The following KMT2A variants were observed in gnomAD, a reference collection of about 807,000 sequenced individuals.
The protein encoded by KMT2A is histone-lysine N-methyltransferase 2A.
In KMT2A, 16 loss-of-function variants were observed where a neutral mutation model predicts 345.3. That is an observed-to-expected ratio of 0.05 (90% CI 0.03 to 0.07). The LOEUF (loss-of-function observed/expected upper bound fraction) is 0.07, where lower values mean the gene tolerates loss of function less well. Among genes scored for constraint, KMT2A ranks in the 10% least tolerant of loss-of-function variants. The pLI is 1.00. For missense variants in KMT2A, 3,272 were observed against 4,841.6 expected (o/e 0.68, Z 9.62); for synonymous variants, 1,599 against 1,778.6 (o/e 0.90, Z 2.54).
chr11:118,498,206 A>G lies in KMT2A; in HGVS notation c.5802+133A>G. ...GTAGTTAGCCAACAAGTATTGATAT[A>G]CATAATTCAACAGATAAAATGATAA... On this transcript the variant is annotated intron_variant, in intron 21 of 35. Coordinates refer to ENST00000534358, the MANE Select transcript of KMT2A (RefSeq NM_001197104.2). The surrounding 1 kb of genome is among the most constrained non-coding windows in gnomAD (Gnocchi z 4.4). 1.8e-6 allele frequency: 2 copies of G among 1,140,954 alleles called. No individual in the cohort carries two copies. Among genetic ancestry groups the G allele is most frequent in the Non-Finnish European group, 2.5e-6 (2 of 792,946 alleles). 70.7% of individuals were successfully genotyped at this position (1,140,954 alleles called of 1,614,324 possible). A position where few individuals can be genotyped will look rare whatever the true frequency, so the allele number is the denominator to read the frequency against.
rs1565318334 is a variant in KMT2A, at chr11:118,521,071, A to T, written c.11513+186A>T. 2 of 652,702 alleles carry T rather than the reference A, an allele frequency of 3.1e-6. No individual in the cohort carries two copies. Among genetic ancestry groups the T allele is most frequent in the African/African-American group, 1.8e-5 (1 of 54,570 alleles). 40.4% of individuals were successfully genotyped at this position (652,702 alleles called of 1,614,324 possible). On this transcript the variant is annotated intron_variant, in intron 34 of 35. Transcript: ENST00000534358. The surrounding 1 kb of genome is among the most constrained non-coding windows in gnomAD (Gnocchi z 5.3). ...GAACAAGGACTTTAACATAATAAGC[A>T]TTAAAATATTACTGCTTCCAGCGGG...
Position 118,520,449 on chromosome 11 carries a change from G to C in KMT2A, c.11430-353G>C. 1 of 326,584 alleles carries C rather than the reference G, an allele frequency of 3.1e-6. No homozygotes were observed. The highest frequency in any genetic ancestry group is 4.6e-5 in the South Asian group (1 of 21,834). The allele number at this position is 326,584 out of a possible 1,614,324, so 20.2% of individuals were successfully genotyped here. A position where few individuals can be genotyped will look rare whatever the true frequency, so the allele number is the denominator to read the frequency against. ...GGACAGATCATGAGGTCAGGAGTTC[G>C]AGACCAGCCTGACCAACATAGTGAA... On this transcript the variant is annotated intron_variant, in intron 33 of 35. Transcript: ENST00000534358. The surrounding 1 kb of genome is among the most constrained non-coding windows in gnomAD (Gnocchi z 4.3).
chr11:118,470,851 C>T (rs1481554792), intron 2 of KMT2A, among the ~76,000 whole-genome samples: 1 of 152,176 alleles, frequency 6.6e-6, no homozygotes, highest in Non-Finnish European at 1.5e-5. Context: ...TCTTGAATGG[C>T]TTGAAAAGCA....
At chr11:118,458,069 G>T (rs1555031406) in intron 1 of KMT2A, 4 of 270,554 alleles carry the variant, frequency 1.5e-5, no homozygotes, top group Admixed American at 4.6e-5. Flanking sequence ...TTTTTGAGAT[G>T]CTTTCAAATT....
rs1176381961 is a variant in KMT2A, at chr11:118,505,361, C to G, written c.9469C>G (p.Leu3157Val). The G allele has an allele frequency of 6.2e-7, 1 of 1,614,042 alleles. No homozygotes were observed. The highest frequency in any genetic ancestry group is 1.3e-5 in the African/African-American group (1 of 74,926). ...GTTCCCTTCTGCTAGCAAAGGATTG[C>G]TACCCATGTCTCATCACCAGCACTT... ...SLFPSASKGL[L>V]PMSHHQHLHS... is the part of the protein sequence containing the mutation. Residue 3157 changes from leucine (L) to valine (V), a missense_variant, in exon 27 of 36, where the codon CTA becomes GTA. Coordinates refer to ENST00000534358, the MANE Select transcript of KMT2A (RefSeq NM_001197104.2). The surrounding 1 kb of genome is among the most constrained non-coding windows in gnomAD (Gnocchi z 4.6).
intron 1 of KMT2A, among the ~76,000 whole-genome samples, chr11:118,452,197 C>T (rs1418350047): frequency 6.6e-6 from 1 of 152,170 alleles, no homozygotes; most frequent in Non-Finnish European, 1.5e-5. Flanking sequence ...CACACAACTA[C>T]GTCTGGCTCT....
At chr11:118,450,723 T>C (rs1368103858) in intron 1 of KMT2A, 1 of 151,844 alleles carries the variant, frequency 6.6e-6, no homozygotes. Flanking sequence ...TGCATTCAAA[T>C]AATCATTGTT....
intron 4 of KMT2A, 72 bp from the exon 5 acceptor site, chr11:118,477,895 T>C: frequency 2.1e-6 from 2 of 951,360 alleles, no homozygotes; most frequent in Non-Finnish European, 3.3e-6. Flanking sequence ...TGTATTTCAT[T>C]TTTGGAGTAC....
intron 10 of KMT2A, 38 bp from the exon 11 acceptor site, chr11:118,488,576 A>G: frequency 6.2e-7 from 1 of 1,607,562 alleles, no homozygotes; most frequent in Non-Finnish European, 8.5e-7. Flanking sequence ...TCTACATATT[A>G]TTTGACATAC....
At chr11:118,460,805 T>G (rs532921889) in intron 1 of KMT2A, among the ~76,000 whole-genome samples, 1 of 152,296 alleles carries the variant, frequency 6.6e-6, no homozygotes, top group East Asian at 1.9e-4. Flanking sequence ...TAGTTGGGAC[T>G]ACAGGCGCAC....
intron 1 of KMT2A, among the ~76,000 whole-genome samples, chr11:118,451,654 GA>G: frequency 7.0e-6 from 1 of 143,260 alleles, no homozygotes; most frequent in Middle Eastern, 3.2e-3. Context: ...CTCCCAAAGT[GA>G]ATTTTTTTTT....
Position 118,474,161 on chromosome 11 carries a change from A to G in KMT2A, c.3002A>G (p.His1001Arg), listed in dbSNP as rs1555036864. 2 of 1,614,176 alleles carry G rather than the reference A, an allele frequency of 1.2e-6. No individual in the cohort carries two copies. Among genetic ancestry groups the G allele is most frequent in the Non-Finnish European group, 1.7e-6 (2 of 1,180,034 alleles). ...LSTPSSSTVKHSTSSIGSMLA... is the reference protein window; with the variant it reads ...LSTPSSSTVKRSTSSIGSMLA... Reference sequence around the variant, plus strand: ...ACTCCTTCATCTAGCACTGTTAAACATTCCACTTCCTCCATAGGCTCCATG... The same window carrying G: ...ACTCCTTCATCTAGCACTGTTAAACGTTCCACTTCCTCCATAGGCTCCATG... Residue 1001 changes from histidine to arginine, a missense_variant, in exon 3 of 36, where the codon CAT (histidine) becomes CGT (arginine). His to Arg is a conservative substitution (Grantham distance 29). Transcript: ENST00000534358.
intron 10 of KMT2A, among the ~76,000 whole-genome samples, chr11:118,486,844 C>T (rs782635067): frequency 6.6e-6 from 1 of 152,056 alleles, no homozygotes; most frequent in East Asian, 1.9e-4. Flanking sequence ...GCCATTATCA[C>T]GCCACTGCAC....
intron 1 of KMT2A, among the ~76,000 whole-genome samples, chr11:118,443,740 A>G (rs1245037212): frequency 6.6e-6 from 1 of 152,222 alleles, no homozygotes; most frequent in African/African-American, 2.4e-5. Context: ...TGACAAATAG[A>G]CTGAAGGGAT....
Position 118,498,168 on chromosome 11 carries a change from C to G in KMT2A, c.5802+95C>G, listed in dbSNP as rs1950440409. The G allele has an allele frequency of 7.3e-7, 1 of 1,370,424 alleles. No individual in the cohort carries two copies. Among genetic ancestry groups the G allele is most frequent in the South Asian group, 1.3e-5 (1 of 78,068 alleles). 84.9% of individuals were successfully genotyped at this position (1,370,424 alleles called of 1,614,324 possible). A position where few individuals can be genotyped will look rare whatever the true frequency, so the allele number is the denominator to read the frequency against. On this transcript the variant is annotated intron_variant, in intron 21 of 35. Transcript: ENST00000534358. The surrounding 1 kb of genome is among the most constrained non-coding windows in gnomAD (Gnocchi z 4.4). ...AATATGGCCTCCCTGATATTTTTCA[C>G]AGTGCCATCAGGGTAGTTAGCCAAC...
chr11:118,509,562 A>G (rs782567126), intron 29 of KMT2A, among the ~76,000 whole-genome samples: 1 of 152,250 alleles, frequency 6.6e-6, no homozygotes, highest in Non-Finnish European at 1.5e-5. Context: ...GATTTTGGTT[A>G]CAATACCAGA....
At position 118,501,818 on chromosome 11, in the gene KMT2A, A is replaced by T; in HGVS notation, c.6466A>T (p.Thr2156Ser). The T allele has an allele frequency of 6.2e-7, 1 of 1,613,974 alleles. No homozygotes were observed. The highest frequency in any genetic ancestry group is 1.1e-5 in the South Asian group (1 of 91,022). Residue 2156 changes from threonine (T) to serine (S), a missense_variant, in exon 26 of 36, where the codon ACA becomes TCA. Physicochemically the swap from Thr to Ser is moderately conservative, Grantham distance 58. Transcript: ENST00000534358. ...PRIRTPSYSP[T>S]QRSPGCRPLP... ...GATTCGAACACCCAGTTATTCTCCA[A>T]CACAGAGATCCCCTGGCTGTCGACC...
chr11:118,501,762 G>A lies in KMT2A; in HGVS notation c.6410G>A (p.Cys2137Tyr), dbSNP rs1591279353. Residue 2137 changes from cysteine (C) to tyrosine (Y), a missense_variant, in exon 26 of 36, where the codon TGT becomes TAT. Physicochemically the swap from Cys to Tyr is radical, Grantham distance 194. Around this residue, in one of 27 missense-constraint regions of KMT2A, gnomAD observed 66 missense variants for 73.9 expected, o/e 0.89. Transcript: ENST00000534358. ...RPPHSQTSGS[C>Y]YYHVISKVPR... ...CCTCATTCACAAACCTCTGGCTCCT[G>A]TTATTATCATGTCATCTCAAAGGTC... is the stretch of plus-strand genomic sequence containing the variant. 1 of 1,613,928 alleles carries A rather than the reference G, an allele frequency of 6.2e-7. No homozygotes were observed. Among genetic ancestry groups the A allele is most frequent in the Admixed American group, 1.7e-5 (1 of 60,006 alleles).
At chr11:118,469,895 T>C (rs1334342973) in intron 2 of KMT2A, among the ~76,000 whole-genome samples, 3 of 152,222 alleles carry the variant, frequency 2.0e-5, no homozygotes, top group Non-Finnish European at 4.4e-5. Flanking sequence ...TTGGGGGCAG[T>C]TGGCCAGTAG....
Sources: allele counts gnomAD v4.1 joint callset (sites outside exome capture counted in the v4.1 genomes callset), GRCh38; gene constraint gnomAD v4.1.1; regional missense constraint gnomAD v4.1.1; non-coding constraint Gnocchi (gnomAD v3.1); transcripts MANE v1.5; gene names NCBI Gene and HGNC (gene_info 2026-07-23, HGNC 2026-07-21).